Variants in GRID1 observed in about 807,000 individuals in gnomAD.
GRID1 encodes the protein glutamate ionotropic receptor delta type subunit 1, also known as glutamate receptor ionotropic, delta-1.
Under a neutral mutation model 98.0 loss-of-function variants are expected in GRID1, and 28 were observed. The observed-to-expected ratio is 0.29, with a 90% CI of 0.21 to 0.39. GRID1 has a LOEUF of 0.39. GRID1 is among the 10% of genes least tolerant of loss of function. The pLI, the probability that GRID1 is intolerant of heterozygous loss-of-function variation, is 1.00. For missense variants in GRID1, 1,111 were observed against 1,340.5 expected (o/e 0.83, Z 2.67); for synonymous variants, 553 against 538.5 (o/e 1.03, Z -0.37).
chr10:86,029,771 T>C (rs997972147), intron 4 of GRID1, among the ~76,000 whole-genome samples: 18 of 151,858 alleles, frequency 1.2e-4, no homozygotes, highest in African/African-American at 4.1e-4. Context: ...AATATGCTAG[T>C]TCTGGGCAAT....
chr10:86,043,754 C>T lies in GRID1; in HGVS notation c.726+95065G>A, dbSNP rs1241899057. 5.9e-5 allele frequency among the ~76,000 whole-genome samples: 9 copies of T among 152,360 alleles called. No individual in the cohort carries two copies. The East Asian group carries it at 1.5e-3, about 26-fold the overall frequency. On this transcript the variant is annotated intron_variant, in intron 4 of 15. Coordinates refer to ENST00000327946, the MANE Select transcript of GRID1 (RefSeq NM_017551.3). ...AACAAATACAGTTTCTTCTCACATC[C>T]TCCATTTGTTTCCCAAATGTCAGCC...
intron 3 of GRID1, among the ~76,000 whole-genome samples, chr10:86,197,585 G>A (rs1845894836): frequency 6.6e-6 from 1 of 152,114 alleles, no homozygotes. Flanking sequence ...GCACAATGGT[G>A]TGTGGTGAGA....
At position 85,829,570 on chromosome 10, in the gene GRID1, G is replaced by A. The variant is rs73332645; in HGVS notation, c.1233+24926C>T. ...GAAAACCCCATAGTCTCTCCCAAAT[G>A]TTCCTTGATCTGATAGTCAATTTCT... On this transcript the variant is annotated intron_variant, in intron 8 of 15. Transcript: ENST00000327946. 5.7e-3 allele frequency among the ~76,000 whole-genome samples: 872 copies of A among 152,190 alleles called. 8 individuals carry two copies. Among genetic ancestry groups the A allele is most frequent in the African/African-American group, 0.02 (820 of 41,538 alleles).
intron 13 of GRID1, among the ~76,000 whole-genome samples, chr10:85,640,922 C>T (rs569848093): frequency 2.0e-5 from 3 of 152,200 alleles, no homozygotes; most frequent in Non-Finnish European, 4.4e-5. Context: ...AAAAACACCA[C>T]CTTTTGTTAC....
chr10:85,852,895 G>C (rs143019138), intron 8 of GRID1, among the ~76,000 whole-genome samples: 11 of 152,200 alleles, frequency 7.2e-5, no homozygotes, highest in Middle Eastern at 3.4e-3. Flanking sequence ...GTTGCTAGCC[G>C]ACTCCCTCTA....
intron 12 of GRID1, among the ~76,000 whole-genome samples, chr10:85,686,401 G>A (rs946091008): frequency 6.6e-6 from 1 of 152,186 alleles, no homozygotes; most frequent in Non-Finnish European, 1.5e-5. Flanking sequence ...AATGCACACT[G>A]TAGCACTGTC....
chr10:86,017,319 G>C (rs1842992358), intron 4 of GRID1, among the ~76,000 whole-genome samples: 1 of 152,040 alleles, frequency 6.6e-6, no homozygotes, highest in Admixed American at 6.6e-5. Context: ...TGCTTCTCTG[G>C]GCAGTGTGAC....
chr10:85,844,349 A>G (rs1265093886), intron 8 of GRID1, among the ~76,000 whole-genome samples: 1 of 151,740 alleles, frequency 6.6e-6, no homozygotes, highest in African/African-American at 2.4e-5. Flanking sequence ...CTTGGTAACA[A>G]AACTATTCTG....
At chr10:86,342,159 T>TTCAAAGGTGCATGTAGAAGCCAGACA (rs1848319516) in intron 2 of GRID1, among the ~76,000 whole-genome samples, 1 of 152,042 alleles carries the variant, frequency 6.6e-6, no homozygotes, top group South Asian at 2.1e-4. Flanking sequence ...CAGTGGGGGC[T>TTCAAAGGTGCATGTAGAAGCCAGACA]CCAAACCAAG....
At chr10:86,300,523 A>G (rs111552555) in intron 2 of GRID1, among the ~76,000 whole-genome samples, 268 of 4,884 alleles carry the variant, frequency 0.055, 20 homozygotes, top group Middle Eastern at 0.1. Flanking sequence ...AGGGAGGGGA[A>G]GGGAGGGGAG....
At chr10:86,045,296 T>C (rs909852046) in intron 4 of GRID1, among the ~76,000 whole-genome samples, 1 of 152,176 alleles carries the variant, frequency 6.6e-6, no homozygotes, top group African/African-American at 2.4e-5. Context: ...AAATCTTCAC[T>C]TGCAACCACT....
At chr10:86,335,953 G>C (rs1426612140) in intron 2 of GRID1, among the ~76,000 whole-genome samples, 1 of 152,272 alleles carries the variant, frequency 6.6e-6, no homozygotes, top group East Asian at 1.9e-4. Context: ...TAAACCCTTA[G>C]AGGGGCCCTC....
intron 5 of GRID1, among the ~76,000 whole-genome samples, chr10:85,911,633 T>C (rs1564624646): frequency 6.6e-6 from 1 of 152,228 alleles, no homozygotes; most frequent in Non-Finnish European, 1.5e-5. Context: ...CAACAAAGTA[T>C]GTGTGTGCTT....
intron 3 of GRID1, among the ~76,000 whole-genome samples, chr10:86,189,563 G>T (rs1845772575): frequency 6.6e-6 from 1 of 151,714 alleles, no homozygotes; most frequent in Admixed American, 6.6e-5. Flanking sequence ...TCCACAAACT[G>T]CACTAAAAAC....
intron 2 of GRID1, among the ~76,000 whole-genome samples, chr10:86,338,453 T>G (rs1848260808): frequency 6.6e-6 from 1 of 152,178 alleles, no homozygotes; most frequent in South Asian, 2.1e-4. Flanking sequence ...AATCCCCTTT[T>G]GGCAAAGGCC....
intron 13 of GRID1, among the ~76,000 whole-genome samples, chr10:85,630,288 C>T (rs1327990110): frequency 6.6e-6 from 1 of 152,186 alleles, no homozygotes; most frequent in Non-Finnish European, 1.5e-5. Context: ...GCCCTCTGAG[C>T]TGAATGCCCT....
chr10:85,827,574 A>G (rs1287088259), intron 8 of GRID1, among the ~76,000 whole-genome samples: 1 of 152,188 alleles, frequency 6.6e-6, no homozygotes, highest in African/African-American at 2.4e-5. Flanking sequence ...GCAACTTGGA[A>G]AGCGAATTTG....
intron 4 of GRID1, among the ~76,000 whole-genome samples, chr10:85,956,887 A>G (rs560932365): frequency 1.3e-5 from 2 of 152,340 alleles, no homozygotes; most frequent in African/African-American, 4.8e-5. Context: ...GTTCGTTTTC[A>G]GGTTGCTATG....
chr10:86,125,626 A>AT (rs1314158174), intron 4 of GRID1, among the ~76,000 whole-genome samples: 1 of 152,130 alleles, frequency 6.6e-6, no homozygotes, highest in African/African-American at 2.4e-5. Flanking sequence ...TTACCTGTGG[A>AT]TTTTTTTCAA....
Sources: allele counts gnomAD v4.1 joint callset (sites outside exome capture counted in the v4.1 genomes callset), GRCh38; gene constraint gnomAD v4.1.1; transcripts MANE v1.5; gene names NCBI Gene and HGNC (gene_info 2026-07-23, HGNC 2026-07-21).